Variants in PTPRK observed in about 807,000 individuals in gnomAD.
The protein encoded by PTPRK is protein tyrosine phosphatase receptor type K.
PTPRK carries 75 observed loss-of-function variants against 178.0 expected under a neutral mutation model. The observed-to-expected ratio is 0.42, with a 90% CI of 0.35 to 0.51. The LOEUF is 0.51. PTPRK is among the 20% of genes least tolerant of loss of function. PTPRK has a pLI of 0.02. For missense variants in PTPRK, 1,441 were observed against 1,797.8 expected (o/e 0.80, Z 3.59); for synonymous variants, 637 against 620.6 (o/e 1.03, Z -0.39).
intron 1 of PTPRK, among the ~76,000 whole-genome samples, chr6:128,464,446 G>A (rs1192097090): frequency 6.6e-6 from 1 of 151,240 alleles, no homozygotes; most frequent in Non-Finnish European, 1.5e-5. Context: ...AGATATAAAA[G>A]GAAGGAAAAA....
intron 6 of PTPRK, among the ~76,000 whole-genome samples, chr6:128,215,082 CTG>C (rs1438943698): frequency 6.6e-6 from 1 of 152,120 alleles, no homozygotes; most frequent in Non-Finnish European, 1.5e-5. Flanking sequence ...AAACCAAAAA[CTG>C]TGCTTTCAAA....
In PTPRK at chr6:128,235,044, C is replaced by T. The variant is rs528769607; in HGVS notation, c.693+4991G>A. Among the ~76,000 whole-genome samples the T allele has an allele frequency of 5.3e-5, 8 of 152,170 alleles. No individual in the cohort carries two copies. In the South Asian group the frequency reaches 1.5e-3, roughly 28 times the overall value. On this transcript the variant is annotated intron_variant, in intron 5 of 29. Transcript: ENST00000368226. ...CCTTAACACAAAGAAATAATAAATA[C>T]TCAAGGTTACGGATACATCAATTAC...
chr6:128,101,498 CTA>C (rs1476516915), intron 7 of PTPRK, among the ~76,000 whole-genome samples: 4 of 152,160 alleles, frequency 2.6e-5, no homozygotes, highest in Admixed American at 2.6e-4. Flanking sequence ...GCTAGCAATT[CTA>C]TGTCTTTTTC....
chr6:128,003,035 C>A (rs1238110912), intron 15 of PTPRK, among the ~76,000 whole-genome samples: 1 of 151,834 alleles, frequency 6.6e-6, no homozygotes, highest in Non-Finnish European at 1.5e-5. Context: ...TCCACTAGAT[C>A]TGATATTGGG....
intron 3 of PTPRK, among the ~76,000 whole-genome samples, chr6:128,246,733 A>G (rs1221301522): frequency 6.6e-6 from 1 of 152,234 alleles, no homozygotes; most frequent in East Asian, 1.9e-4. Flanking sequence ...GAGAGCAATG[A>G]AAGCCATACC....
intron 7 of PTPRK, among the ~76,000 whole-genome samples, chr6:128,181,078 A>G (rs1801839196): frequency 6.6e-6 from 1 of 152,042 alleles, no homozygotes; most frequent in South Asian, 2.1e-4. Flanking sequence ...ATCATGATAC[A>G]TTCACTTCAT....
intron 2 of PTPRK, among the ~76,000 whole-genome samples, chr6:128,327,688 C>T (rs1829757239): frequency 6.6e-6 from 1 of 152,156 alleles, no homozygotes; most frequent in Non-Finnish European, 1.5e-5. Context: ...CTGAATTATT[C>T]AGAGTCCAAT....
rs768515109 is a variant in PTPRK, at chr6:128,491,892, C to A, written c.100+28367G>T. The A allele has an allele frequency of 6.3e-6, 3 of 474,854 alleles. No homozygotes were observed. In the East Asian group the frequency reaches 1.9e-4, roughly 30 times the overall value. The allele number at this position is 474,854 out of a possible 1,614,324, so 29.4% of individuals were successfully genotyped here. On this transcript the variant is annotated intron_variant, in intron 1 of 29. Coordinates refer to ENST00000368226, the MANE Select transcript of PTPRK (RefSeq NM_002844.4). ...TTGGTAACTAACAGGCTAATCTTCA[C>A]GGCAGGAAGAATACTTGGCAATGAA...
At chr6:128,496,189 G>C (rs1019756938) in intron 1 of PTPRK, among the ~76,000 whole-genome samples, 1 of 152,146 alleles carries the variant, frequency 6.6e-6, no homozygotes, top group Non-Finnish European at 1.5e-5. Context: ...GCTGAAGACT[G>C]AGAGTGTCTT....
chr6:128,359,399 T>C (rs1289707707), intron 2 of PTPRK, among the ~76,000 whole-genome samples: 1 of 152,142 alleles, frequency 6.6e-6, no homozygotes, highest in East Asian at 1.9e-4. Context: ...GAATAAAGTT[T>C]GACAACATTT....
At chr6:128,281,531 C>G (rs1821674762) in intron 3 of PTPRK, among the ~76,000 whole-genome samples, 1 of 152,082 alleles carries the variant, frequency 6.6e-6, no homozygotes, top group Admixed American at 6.6e-5. Flanking sequence ...TCACCCTATT[C>G]TCTGTCTTAG....
intron 13 of PTPRK, among the ~76,000 whole-genome samples, chr6:128,025,066 T>G (rs957799430): frequency 6.6e-5 from 10 of 152,260 alleles, no homozygotes; most frequent in Non-Finnish European, 1.5e-4. Context: ...GAATAAATTC[T>G]ACAAAGCTGA....
chr6:128,293,319 T>C (rs79029303), intron 3 of PTPRK, among the ~76,000 whole-genome samples: 1,648 of 152,126 alleles, frequency 0.011, 29 homozygotes, highest in African/African-American at 0.038. Context: ...GCTTCCAAGA[T>C]GGTGACTTGT....
At chr6:128,035,708 T>C (rs964203565) in intron 13 of PTPRK, among the ~76,000 whole-genome samples, 4 of 152,218 alleles carry the variant, frequency 2.6e-5, no homozygotes, top group African/African-American at 9.6e-5. Flanking sequence ...GGTAAAGTTC[T>C]ATAGCAATGG....
chr6:128,011,774 G>C (rs1779089379), intron 13 of PTPRK, among the ~76,000 whole-genome samples: 1 of 150,958 alleles, frequency 6.6e-6, no homozygotes, highest in Admixed American at 6.6e-5. Flanking sequence ...CATATTTCCA[G>C]AAATAAAAAG....
intron 5 of PTPRK, among the ~76,000 whole-genome samples, chr6:128,234,708 G>T (rs1812904198): frequency 6.6e-6 from 1 of 152,098 alleles, no homozygotes. Context: ...GCCACAAATT[G>T]TCTATCTATT....
At chr6:128,469,281 T>C (rs548449970) in intron 1 of PTPRK, among the ~76,000 whole-genome samples, 2 of 152,320 alleles carry the variant, frequency 1.3e-5, no homozygotes, top group African/African-American at 4.8e-5. Flanking sequence ...AAGCTGCTGT[T>C]ACAAATTAAT....
chr6:128,258,901 T>C (rs1228982939), intron 3 of PTPRK, among the ~76,000 whole-genome samples: 4 of 152,152 alleles, frequency 2.6e-5, no homozygotes, highest in Admixed American at 2.0e-4. Context: ...GAAGACAATT[T>C]AACGTGGAGC....
At chr6:128,340,133 A>G (rs368694049) in intron 2 of PTPRK, among the ~76,000 whole-genome samples, 2 of 152,212 alleles carry the variant, frequency 1.3e-5, no homozygotes, top group East Asian at 3.8e-4. Context: ...AGATTTATTG[A>G]GAACTTCAAG....
Sources: gnomAD v4.1 joint callset for allele counts (sites outside exome capture counted in the v4.1 genomes callset) on GRCh38, gnomAD v4.1.1 for gene constraint, MANE v1.5 for transcripts, NCBI Gene and HGNC (gene_info 2026-07-23, HGNC 2026-07-21) for gene names.